The following ZFC3H1 variants were observed in gnomAD, a reference collection of about 807,000 sequenced individuals.
ZFC3H1 encodes the protein zinc finger C3H1-type containing.
Under a neutral mutation model 243.7 loss-of-function variants are expected in ZFC3H1, and 71 were observed. The ratio of observed to expected loss-of-function variants is 0.29; its 90% CI spans 0.24 to 0.36. ZFC3H1 has a LOEUF of 0.36. Ranked by LOEUF, ZFC3H1 falls within the 10% of genes least tolerant of loss-of-function variation. ZFC3H1 has a pLI of 1.00. For missense variants in ZFC3H1, 1,966 were observed against 2,317.1 expected (o/e 0.85, Z 3.11); for synonymous variants, 838 against 813.0 (o/e 1.03, Z -0.52).
rs1301062952 is a variant in ZFC3H1, at chr12:71,636,478, T to TTTTG, written c.2100+8_2100+11dup. 6.3e-7 allele frequency: 1 copy of TTTTG among 1,593,956 alleles called. No homozygotes were observed. Among genetic ancestry groups the TTTTG allele is most frequent in the East Asian group, 2.3e-5 (1 of 44,352 alleles). ...TGTTTGAATAAAAGTAGCATTAAAT[T>TTTTG]TTTGTTTTTACCGAGATCACAGTTC... On this transcript the variant is annotated intron_variant, in intron 9 of 34. Transcript: ENST00000378743.
At chr12:71,661,484 C>CTTTT (rs10658535) in intron 1 of ZFC3H1, among the ~76,000 whole-genome samples, 5,047 of 130,746 alleles carry the variant, frequency 0.039, 164 homozygotes, top group South Asian at 0.068. Flanking sequence ...TATAATTTTC[C>CTTTT]TTTTTTTTTT....
chr12:71,633,999 T>C (rs1039696761), intron 12 of ZFC3H1, among the ~76,000 whole-genome samples, 156 bp downstream of exon 12: 4 of 152,248 alleles, frequency 2.6e-5, no homozygotes, highest in African/African-American at 7.2e-5. Flanking sequence ...TTTATGTAAA[T>C]GTAGTGTCAT....
At chr12:71,654,587 C>T (rs933910623) in intron 2 of ZFC3H1, among the ~76,000 whole-genome samples, 1 of 151,914 alleles carries the variant, frequency 6.6e-6, no homozygotes, top group Non-Finnish European at 1.5e-5. Context: ...TCCTGATTAA[C>T]TTTAAACACT....
rs553814709 is a variant in ZFC3H1 at position 71,642,930 on chromosome 12, T to C, written c.1504-371A>G. Among the ~76,000 whole-genome samples, 3 of 152,292 alleles carry C rather than the reference T, an allele frequency of 2.0e-5. No individual in the cohort carries two copies. In the South Asian group the frequency reaches 6.2e-4, roughly 32 times the overall value. ...AAAACAAGTTTTATGTCATCACGAC[T>C]ACATACAGAATATTTCCCCAAAAAT... On this transcript the variant is annotated intron_variant, in intron 5 of 34. Transcript: ENST00000378743.
intron 31 of ZFC3H1, among the ~76,000 whole-genome samples, chr12:71,612,814 G>T (rs941428492): frequency 1.3e-5 from 2 of 152,080 alleles, no homozygotes; most frequent in Non-Finnish European, 2.9e-5. Context: ...TCAGAGCAGA[G>T]AAACTACAAA....
rs377046361 is a variant in ZFC3H1, at chr12:71,632,029, T to C, written c.3303A>G (p.Leu1101=). The C allele has an allele frequency of 4.4e-6, 7 of 1,608,198 alleles. No homozygotes were observed. Among genetic ancestry groups the C allele is most frequent in the African/African-American group, 2.7e-5 (2 of 74,340 alleles). The change falls in exon 15 of 35, where the codon CTA becomes CTG. Residue 1101 remains leucine (L), a synonymous_variant. Transcript: ENST00000378743. ...LQKLYSKADS[L]KQLILKTTTG... is the part of the protein sequence containing the mutation. ...TGGTGGTTTTTAAAATCAGCTGTTTTAGGCTGTCAGCTTTTGAATACAATT... is the reference window on the plus strand; with the variant it reads ...TGGTGGTTTTTAAAATCAGCTGTTTCAGGCTGTCAGCTTTTGAATACAATT...
Position 71,623,504 on chromosome 12 carries a change from C to T in ZFC3H1, c.4600G>A (p.Glu1534Lys). ...LAWLAYIHLI[E>K]FNILPSKFYD... ...AATTTTGAAGGGAGAATGTTGAATT[C>T]AATAAGATGTATGTAGGCCAACCAT... Residue 1534 changes from glutamate (E) to lysine (K), a missense_variant, in exon 24 of 35, where the codon GAA becomes AAA. Glu to Lys is a moderately conservative substitution (Grantham distance 56, BLOSUM62 1). Transcript: ENST00000378743. The T allele has an allele frequency of 6.2e-7, 1 of 1,613,694 alleles. No homozygotes were observed.
Position 71,611,104 on chromosome 12 carries a change from GAAAAA to G in ZFC3H1, c.5730-12_5730-8del. Reference sequence around the variant, plus strand: ...AATCTCAGCAGCAATGGCTCTAAGAGAAAAAAAAAAAAAAAGAAATATAGAAAAAG... The same window carrying G: ...AATCTCAGCAGCAATGGCTCTAAGAGAAAAAAAAAAGAAATATAGAAAAAG... On this transcript the variant is annotated splice_polypyrimidine_tract_variant and splice_region_variant and intron_variant, in intron 32 of 34. Coordinates refer to ENST00000378743, the MANE Select transcript of ZFC3H1 (RefSeq NM_144982.5). 6 of 1,279,650 alleles carry G rather than the reference GAAAAA, an allele frequency of 4.7e-6. No homozygotes were observed. The highest frequency in any genetic ancestry group is 2.8e-5 in the East Asian group (1 of 35,448). The allele number at this position is 1,279,650 out of a possible 1,614,324, so 79.3% of individuals were successfully genotyped here. A position where few individuals can be genotyped will look rare whatever the true frequency, so the allele number is the denominator to read the frequency against.
At chr12:71,613,747 G>T in intron 30 of ZFC3H1, 1 of 204,544 alleles carries the variant, frequency 4.9e-6, no homozygotes, top group Non-Finnish European at 9.7e-6. Flanking sequence ...AATAATACCT[G>T]CCACATCTTG....
At chr12:71,624,030 A>G in intron 23 of ZFC3H1, 74 bp downstream of exon 23, 1 of 1,393,570 alleles carries the variant, frequency 7.2e-7, no homozygotes, top group Non-Finnish European at 9.7e-7. Context: ...CCATTAAATA[A>G]TGCTATGGAT....
chr12:71,619,815 C>T lies in ZFC3H1; in HGVS notation c.5049+111G>A, dbSNP rs905527037. On this transcript the variant is annotated intron_variant, in intron 26 of 34. Coordinates refer to ENST00000378743, the MANE Select transcript of ZFC3H1 (RefSeq NM_144982.5). ...TGCTATGGCAAAGAGAGAAGGAACA[C>T]CTAACACTGCTTGCAAAGGGTAAAA... 6.2e-6 allele frequency: 6 copies of T among 964,226 alleles called. No homozygotes were observed. The African/African-American group carries it at 9.9e-5, about 16-fold the overall frequency. The allele number at this position is 964,226 out of a possible 1,614,324, so 59.7% of individuals were successfully genotyped here.
chr12:71,652,098 T>TG (rs1389298608), intron 2 of ZFC3H1, among the ~76,000 whole-genome samples: 2 of 152,164 alleles, frequency 1.3e-5, no homozygotes, highest in African/African-American at 4.8e-5. Flanking sequence ...ATAGAAGAGT[T>TG]GTCAAGAGAT....
At chr12:71,634,529 C>G (rs549324254) in intron 11 of ZFC3H1, among the ~76,000 whole-genome samples, 175 bp downstream of exon 11, 1 of 152,122 alleles carries the variant, frequency 6.6e-6, no homozygotes, top group African/African-American at 2.4e-5. Context: ...GCACATCACT[C>G]TATTCAAGTG....
At position 71,644,230 on chromosome 12, in the gene ZFC3H1, C is replaced by T. The variant is rs1880670114; in HGVS notation, c.1368G>A (p.Gln456=). 1 of 1,611,580 alleles carries T rather than the reference C, an allele frequency of 6.2e-7. No homozygotes were observed. Residue 456 remains glutamine (Q), a synonymous_variant, in exon 5 of 35, where the codon CAG becomes CAA. Coordinates refer to ENST00000378743, the MANE Select transcript of ZFC3H1 (RefSeq NM_144982.5). Reference sequence around the variant, plus strand: ...TCTCTTCTTCTTCAGCTTGTTTCCGCTGATCCTCTTCTTTCTGTCTTTCCT... The same window carrying T: ...TCTCTTCTTCTTCAGCTTGTTTCCGTTGATCCTCTTCTTTCTGTCTTTCCT... The part of the protein sequence containing the change: ...KEQERQKEED[Q]RKQAEEEERR...
chr12:71,630,638 G>C lies in ZFC3H1; in HGVS notation c.3686C>G (p.Ala1229Gly). The C allele has an allele frequency of 6.2e-7, 1 of 1,613,500 alleles. No individual in the cohort carries two copies. Among genetic ancestry groups the C allele is most frequent in the Non-Finnish European group, 8.5e-7 (1 of 1,179,760 alleles). The change falls in exon 18 of 35, where the codon GCA becomes GGA. Residue 1229 changes from alanine to glycine, a missense_variant. Physicochemically the swap from Ala to Gly is moderately conservative, Grantham distance 60. Coordinates refer to ENST00000378743, the MANE Select transcript of ZFC3H1 (RefSeq NM_144982.5). Reference protein sequence around the residue: ...LSYNLSLIGCAETSTNEEITA... With the variant: ...LSYNLSLIGCGETSTNEEITA... ...AATTTCTTCATTAGTACTTGTCTCTGCACAACCAATCAAAGACAGATTATA... is the reference window on the plus strand; with the variant it reads ...AATTTCTTCATTAGTACTTGTCTCTCCACAACCAATCAAAGACAGATTATA...
At chr12:71,633,758 G>A (rs532531110) in intron 12 of ZFC3H1, among the ~76,000 whole-genome samples, 11 of 152,196 alleles carry the variant, frequency 7.2e-5, no homozygotes, top group African/African-American at 2.4e-4. Flanking sequence ...TAGTTCAAGC[G>A]ATTCTCCCGC....
Position 71,615,194 on chromosome 12 carries a change from TG to T in ZFC3H1, c.5255+11del. 1 of 1,580,344 alleles carries T rather than the reference TG, an allele frequency of 6.3e-7. No individual in the cohort carries two copies. The highest frequency in any genetic ancestry group is 8.7e-7 in the Non-Finnish European group (1 of 1,151,482). ...CCTAGTATGCAATATCTCTCCACAG[TG>T]GATGTCTCACCAGTAAATCAGCCAC... is the stretch of plus-strand genomic sequence containing the variant. On this transcript the variant is annotated intron_variant, in intron 28 of 34. Transcript: ENST00000378743.
rs1408908889 is a variant in ZFC3H1 at position 71,657,420 on chromosome 12, T to C, written c.599-119A>G. The C allele has an allele frequency of 3.8e-6, 3 of 798,950 alleles. 1 individual carries two copies. Among genetic ancestry groups the C allele is most frequent in the Non-Finnish European group, 3.8e-6 (2 of 532,564 alleles). 49.5% of individuals were successfully genotyped at this position (798,950 alleles called of 1,614,324 possible). On this transcript the variant is annotated intron_variant, in intron 1 of 34. Coordinates refer to ENST00000378743, the MANE Select transcript of ZFC3H1 (RefSeq NM_144982.5). ...TAATTTTTCAAGAAAAATGAATCGATATTTTTAAATTACTAAATTCCATTT... is the reference window on the plus strand; with the variant it reads ...TAATTTTTCAAGAAAAATGAATCGACATTTTTAAATTACTAAATTCCATTT...
At chr12:71,658,357 C>T (rs146051397) in intron 1 of ZFC3H1, among the ~76,000 whole-genome samples, 2,569 of 137,452 alleles carry the variant, frequency 0.019, 63 homozygotes, top group African/African-American at 0.067. Flanking sequence ...GGTGCGATCT[C>T]GGCTCACTGC....
Sources: allele counts gnomAD v4.1 joint callset (sites outside exome capture counted in the v4.1 genomes callset), GRCh38; gene constraint gnomAD v4.1.1; transcripts MANE v1.5; gene names NCBI Gene and HGNC (gene_info 2026-07-23, HGNC 2026-07-21).